The following GPR158 variants were observed in gnomAD, a reference collection of about 807,000 sequenced individuals.
GPR158 encodes G protein-coupled receptor 158.
In GPR158, 30 loss-of-function variants were observed where a neutral mutation model predicts 78.2. The ratio of observed to expected loss-of-function variants is 0.38; its 90% CI spans 0.29 to 0.52. The LOEUF (loss-of-function observed/expected upper bound fraction) is 0.52, where lower values mean the gene tolerates loss of function less well. GPR158 is among the 20% of genes least tolerant of loss of function. The pLI is 0.83. For synonymous variants in GPR158, 581 were observed against 591.1 expected, an observed-to-expected ratio of 0.98 and a Z score of 0.25; for missense variants, 1,463 against 1,523.5, an observed-to-expected ratio of 0.96 and a Z score of 0.66.
chr10:25,372,350 A>G (rs1218283669), intron 2 of GPR158, among the ~76,000 whole-genome samples: 1 of 151,770 alleles, frequency 6.6e-6, no homozygotes, highest in East Asian at 2.0e-4. Context: ...CAGCCATCCC[A>G]TTACTGGGTA....
chr10:25,425,985 A>T (rs1834814912), intron 4 of GPR158, among the ~76,000 whole-genome samples: 1 of 152,096 alleles, frequency 6.6e-6, no homozygotes, highest in Non-Finnish European at 1.5e-5. Flanking sequence ...ATCTGTGTGC[A>T]ATTGTTCTTT....
At chr10:25,491,859 C>T (rs1252478699) in intron 5 of GPR158, among the ~76,000 whole-genome samples, 4 of 152,144 alleles carry the variant, frequency 2.6e-5, no homozygotes, top group Admixed American at 6.6e-5. Context: ...TTGTCACATT[C>T]TCAATTGATA....
intron 8 of GPR158, 34 bp from the exon 9 acceptor site, chr10:25,594,258 C>A: frequency 9.8e-7 from 1 of 1,024,016 alleles, no homozygotes; most frequent in South Asian, 1.3e-5. Context: ...GAATCTTAAT[C>A]TTGGATTGTT....
intron 1 of GPR158, among the ~76,000 whole-genome samples, chr10:25,199,121 A>G (rs1258367377): frequency 6.7e-6 from 1 of 149,194 alleles, no homozygotes; most frequent in African/African-American, 2.5e-5. Flanking sequence ...GGGCTCAAAT[A>G]AAGTTTTTGT....
chr10:25,481,052 AAAAT>A lies in GPR158; in HGVS notation c.1404+14340_1404+14343del, dbSNP rs147267586. On this transcript the variant is annotated intron_variant, in intron 5 of 10. Coordinates refer to ENST00000376351, the MANE Select transcript of GPR158 (RefSeq NM_020752.3). ...TCAGACACATAGGAGGCAACACAGC[AAAAT>A]AAATAACACAGAAGCGGTTTATTAC... Among the ~76,000 whole-genome samples the A allele has an allele frequency of 2.1e-3, 313 of 152,306 alleles. 2 individuals carry two copies. Among genetic ancestry groups the A allele is most frequent in the African/African-American group, 7.2e-3 (299 of 41,564 alleles).
chr10:25,431,906 G>C (rs1263945613), intron 4 of GPR158, among the ~76,000 whole-genome samples: 1 of 152,030 alleles, frequency 6.6e-6, no homozygotes, highest in African/African-American at 2.4e-5. Context: ...AATGCTAAAT[G>C]ACGAGTTAAT....
At chr10:25,459,837 T>A (rs901185652) in intron 4 of GPR158, among the ~76,000 whole-genome samples, 6 of 152,198 alleles carry the variant, frequency 3.9e-5, no homozygotes, top group African/African-American at 1.4e-4. Context: ...TTTGACATAT[T>A]TTTTTGTCTA....
intron 4 of GPR158, among the ~76,000 whole-genome samples, chr10:25,420,549 C>T (rs535985399): frequency 1.1e-4 from 16 of 152,280 alleles, no homozygotes; most frequent in Admixed American, 2.6e-4. Context: ...AATCTGAAGT[C>T]ATAATGCTTT....
intron 7 of GPR158, among the ~76,000 whole-genome samples, chr10:25,577,862 AT>A (rs78175008): frequency 0.22 from 33,004 of 152,080 alleles, 4,535 homozygotes; most frequent in Non-Finnish European, 0.31. Context: ...GTATAAAAAA[AT>A]AAGGTAAGAT....
intron 2 of GPR158, among the ~76,000 whole-genome samples, chr10:25,274,158 CA>C (rs1854153262): frequency 6.6e-6 from 1 of 152,174 alleles, no homozygotes; most frequent in African/African-American, 2.4e-5. Context: ...TTTATTTACA[CA>C]ACACCAAAGA....
intron 1 of GPR158, among the ~76,000 whole-genome samples, chr10:25,183,888 A>G (rs1852647214): frequency 6.6e-6 from 1 of 152,238 alleles, no homozygotes; most frequent in African/African-American, 2.4e-5. Context: ...AAAGAATTAT[A>G]TTGTATCAAT....
At chr10:25,496,511 ACT>A (rs1835882474) in intron 5 of GPR158, among the ~76,000 whole-genome samples, 1 of 152,204 alleles carries the variant, frequency 6.6e-6, no homozygotes, top group South Asian at 2.1e-4. Context: ...AAAGTAAAAG[ACT>A]CTGGGGAGTT....
At chr10:25,338,497 GTATA>G (rs1000310840) in intron 2 of GPR158, among the ~76,000 whole-genome samples, 6 of 121,552 alleles carry the variant, frequency 4.9e-5, no homozygotes, top group South Asian at 2.4e-4. Flanking sequence ...TATAATATAC[GTATA>G]TATATTACGT....
chr10:25,197,350 G>GT (rs1852857072), intron 1 of GPR158, among the ~76,000 whole-genome samples: 1 of 152,140 alleles, frequency 6.6e-6, no homozygotes, highest in African/African-American at 2.4e-5. Context: ...GAGGAGAATA[G>GT]TATCAGTCAT....
intron 2 of GPR158, among the ~76,000 whole-genome samples, chr10:25,266,973 A>G (rs186327851): frequency 2.0e-5 from 3 of 152,278 alleles, no homozygotes; most frequent in East Asian, 3.9e-4. Context: ...GTAATTGGCA[A>G]TTCCTTTCAT....
chr10:25,490,031 G>A (rs1008793785), intron 5 of GPR158, among the ~76,000 whole-genome samples: 2 of 152,140 alleles, frequency 1.3e-5, no homozygotes, highest in East Asian at 1.9e-4. Context: ...ATATATACTA[G>A]CTAAAATATA....
At chr10:25,187,811 G>T (rs533553184) in intron 1 of GPR158, among the ~76,000 whole-genome samples, 1 of 152,020 alleles carries the variant, frequency 6.6e-6, no homozygotes, top group African/African-American at 2.4e-5. Context: ...AGAAATAAAG[G>T]GTATTCAATT....
At position 25,412,403 on chromosome 10, in the gene GPR158, C is replaced by T. The variant is rs1461334940; in HGVS notation, c.1265C>T (p.Ser422Phe). The change falls in exon 4 of 11, where the codon TCC becomes TTC. Residue 422 changes from serine (S) to phenylalanine (F), a missense_variant. Ser to Phe is a radical substitution (Grantham distance 155). Transcript: ENST00000376351. ...AAGTATTTACGACTTGCCATCATCT[C>T]CTTCCAAGCCCTGTGTATGCTGCTC... is the stretch of plus-strand genomic sequence containing the variant. Reference protein sequence around the residue: ...EDKYLRLAIISFQALCMLLDF... With the variant: ...EDKYLRLAIIFFQALCMLLDF... 1 of 1,614,068 alleles carries T rather than the reference C, an allele frequency of 6.2e-7. No individual in the cohort carries two copies. Among genetic ancestry groups the T allele is most frequent in the South Asian group, 1.1e-5 (1 of 91,078 alleles).
intron 2 of GPR158, among the ~76,000 whole-genome samples, chr10:25,321,603 G>T (rs984178956): frequency 1.3e-5 from 2 of 152,058 alleles, no homozygotes. Flanking sequence ...CTGTCACAAA[G>T]AACTATTTTA....
Sources: gnomAD v4.1 joint callset for allele counts (sites outside exome capture counted in the v4.1 genomes callset) on GRCh38, gnomAD v4.1.1 for gene constraint, MANE v1.5 for transcripts, NCBI Gene and HGNC (gene_info 2026-07-23, HGNC 2026-07-21) for gene names.